The following MTF1 variants were observed in gnomAD, a reference collection of about 807,000 sequenced individuals.
MTF1 encodes the protein metal regulatory transcription factor 1.
A neutral mutation model predicts 70.4 loss-of-function variants in MTF1; 22 were observed. The ratio of observed to expected loss-of-function variants is 0.31; its 90% CI spans 0.22 to 0.45. The LOEUF (loss-of-function observed/expected upper bound fraction) is 0.45. MTF1 is among the 20% of genes least tolerant of loss of function. The pLI is 1.00. For missense variants in MTF1, 649 were observed against 922.0 expected (o/e 0.70, Z 3.83); for synonymous variants, 333 against 352.8 (o/e 0.94, Z 0.63).
chr1:37,813,503 C>T lies in MTF1; in HGVS notation c.*1633G>A, dbSNP rs917175423. 1 of 152,266 alleles carries T rather than the reference C, an allele frequency of 6.6e-6. No individual in the cohort carries two copies. 9.4% of individuals were successfully genotyped at this position (152,266 alleles called of 1,614,324 possible). On this transcript the variant is annotated 3_prime_UTR_variant, in exon 11 of 11. Transcript: ENST00000373036. Reference sequence around the variant, plus strand: ...TATCTTGGCTGGCCCTGAGCAATGGCTCAGAGAACAGGAGAGTGACCAATG... The same window carrying T: ...TATCTTGGCTGGCCCTGAGCAATGGTTCAGAGAACAGGAGAGTGACCAATG...
chr1:37,827,332 A>AGTT (rs1315333646), intron 7 of MTF1, among the ~76,000 whole-genome samples: 16 of 133,072 alleles, frequency 1.2e-4, no homozygotes, highest in African/African-American at 3.7e-4. Context: ...ACCTCCTCAT[A>AGTT]GTTGTTATTA....
At chr1:37,835,884 T>G in intron 4 of MTF1, 140 bp from the exon 5 acceptor site, 1 of 645,168 alleles carries the variant, frequency 1.5e-6, no homozygotes, top group East Asian at 3.1e-5. Context: ...CACTGCAAGC[T>G]CCACCTCCCG....
At chr1:37,855,639 A>T (rs1463768879) in intron 2 of MTF1, among the ~76,000 whole-genome samples, 2 of 151,988 alleles carry the variant, frequency 1.3e-5, no homozygotes, top group Admixed American at 6.6e-5. Flanking sequence ...CTAGTGACTT[A>T]TTTTTTTCTA....
At position 37,822,449 on chromosome 1, in the gene MTF1, G is replaced by C. The variant is rs1427941900; in HGVS notation, c.1439C>G (p.Ala480Gly). Reference protein sequence around the residue: ...VPVPHSTQFAANHQEFLPHPQ... With the variant: ...VPVPHSTQFAGNHQEFLPHPQ... ...GTGCGGAAGAAACTCTTGATGATTA[G>C]CAGCAAACTGTGTGCTGTGGGGAAC... Residue 480 changes from alanine (A) to glycine (G), a missense_variant, in exon 9 of 11, where the codon GCT becomes GGT. By Grantham distance (60) the Ala-to-Gly change is moderately conservative. This residue lies in a region of MTF1 where 267 missense variants were observed against 292.1 expected (regional missense o/e 0.91). Coordinates refer to ENST00000373036, the MANE Select transcript of MTF1 (RefSeq NM_005955.3). 3 of 1,614,108 alleles carry C rather than the reference G, an allele frequency of 1.9e-6. No individual in the cohort carries two copies. The highest frequency in any genetic ancestry group is 2.5e-6 in the Non-Finnish European group (3 of 1,179,994).
chr1:37,857,186 C>T, intron 2 of MTF1, 65 bp downstream of exon 2: 2 of 1,524,888 alleles, frequency 1.3e-6, no homozygotes, highest in Non-Finnish European at 1.8e-6. Context: ...CTAAAATTTG[C>T]ACCAAGAATT....
intron 4 of MTF1, among the ~76,000 whole-genome samples, chr1:37,837,854 T>A (rs2148412844): frequency 6.6e-6 from 1 of 152,300 alleles, no homozygotes. Context: ...CTATCTATAT[T>A]ACATTTAGGG....
At chr1:37,831,713 A>G (rs1198527053) in intron 7 of MTF1, among the ~76,000 whole-genome samples, 2 of 152,186 alleles carry the variant, frequency 1.3e-5, no homozygotes, top group East Asian at 3.9e-4. Context: ...AGAGGCCTCT[A>G]TATGTGTAAG....
chr1:37,852,596 G>A (rs1336233987), intron 2 of MTF1, among the ~76,000 whole-genome samples: 2 of 151,794 alleles, frequency 1.3e-5, no homozygotes, highest in African/African-American at 2.4e-5. Context: ...ACAAATTTGG[G>A]AAAATGGATG....
At chr1:37,838,564 A>G (rs1254183552) in intron 4 of MTF1, 61 bp downstream of exon 4, 6 of 1,466,278 alleles carry the variant, frequency 4.1e-6, no homozygotes, top group Non-Finnish European at 5.6e-6. Context: ...AAAATTCCAG[A>G]GTATATCAAG....
At chr1:37,825,128 T>C (rs968268842) in intron 7 of MTF1, among the ~76,000 whole-genome samples, 3 of 152,122 alleles carry the variant, frequency 2.0e-5, no homozygotes, top group African/African-American at 7.2e-5. Flanking sequence ...GGGAGGTGGG[T>C]TGTGGCATAC....
At position 37,823,782 on chromosome 1, in the gene MTF1, G is replaced by T. The variant is rs756416107; in HGVS notation, c.1099C>A (p.Pro367Thr). The T allele has an allele frequency of 5.0e-6, 8 of 1,613,944 alleles. No homozygotes were observed. Among genetic ancestry groups the T allele is most frequent in the Non-Finnish European group, 6.8e-6 (8 of 1,179,972 alleles). ...TQGQDLSTIS[P>T]AIIFESMFQN... The stretch of plus-strand genomic sequence containing the variant: ...AACATTGATTCAAAGATGATTGCTG[G>T]TGAAATTGTGCTGAGGTCCTGGCCC... The change falls in exon 8 of 11, where the codon CCA becomes ACA. Residue 367 changes from proline to threonine, a missense_variant. Pro to Thr is a conservative substitution (Grantham distance 38, BLOSUM62 -1). This residue lies in a region of MTF1 where 267 missense variants were observed against 292.1 expected (regional missense o/e 0.91). Coordinates refer to ENST00000373036, the MANE Select transcript of MTF1 (RefSeq NM_005955.3).
At chr1:37,824,230 C>T (rs1201664717) in intron 7 of MTF1, among the ~76,000 whole-genome samples, 7 of 152,162 alleles carry the variant, frequency 4.6e-5, no homozygotes, top group African/African-American at 1.4e-4. Context: ...TATTGGAACA[C>T]GGGCACATGC....
intron 10 of MTF1, among the ~76,000 whole-genome samples, chr1:37,817,098 C>A (rs1337551767): frequency 1.3e-5 from 2 of 152,152 alleles, no homozygotes; most frequent in African/African-American, 4.8e-5. Flanking sequence ...AGAAAAGAGT[C>A]CAGTGAATTA....
At chr1:37,834,940 C>T in intron 6 of MTF1, 139 bp downstream of exon 6, 1 of 874,210 alleles carries the variant, frequency 1.1e-6, no homozygotes, top group Non-Finnish European at 1.8e-6. Flanking sequence ...ATACACAAGT[C>T]AAGACACTGA....
intron 10 of MTF1, among the ~76,000 whole-genome samples, chr1:37,816,085 T>C (rs1031037851): frequency 3.3e-5 from 5 of 152,082 alleles, no homozygotes; most frequent in African/African-American, 1.2e-4. Flanking sequence ...CTTCCACACC[T>C]CTCTCCTTGC....
rs749653526 is a variant in MTF1, at chr1:37,835,748, A to C, written c.780-4T>G. On this transcript the variant is annotated splice_polypyrimidine_tract_variant and splice_region_variant and intron_variant, in intron 4 of 10. Transcript: ENST00000373036. ...TCCACAGCCATCGTGATCGCACCTA[A>C]ATTTGTTAAGGAAAGAGAAACAGGA... is the stretch of plus-strand genomic sequence containing the variant. 3.2e-5 allele frequency: 52 copies of C among 1,613,714 alleles called. No individual in the cohort carries two copies. Among genetic ancestry groups the C allele is most frequent in the Non-Finnish European group, 4.3e-5 (51 of 1,179,682 alleles).
intron 7 of MTF1, among the ~76,000 whole-genome samples, chr1:37,827,996 A>G (rs1289809740): frequency 6.6e-6 from 1 of 152,174 alleles, no homozygotes; most frequent in Admixed American, 6.5e-5. Flanking sequence ...GAGAAAGAAC[A>G]AATATTGGTA....
chr1:37,827,991 A>G (rs770114858), intron 7 of MTF1, among the ~76,000 whole-genome samples: 2 of 152,196 alleles, frequency 1.3e-5, no homozygotes, highest in African/African-American at 2.4e-5. Context: ...AACAGGAGAA[A>G]GAACAAATAT....
At position 37,840,844 on chromosome 1, in the gene MTF1, T is replaced by G; in HGVS notation, c.409-686A>C. ...CAAATGGCAGATGACTCTAGTGCAG[T>G]GGAGGGCCTGGAATGGGAGGCCCAG... On this transcript the variant is annotated intron_variant, in intron 2 of 10. Coordinates refer to ENST00000373036, the MANE Select transcript of MTF1 (RefSeq NM_005955.3). The surrounding 1 kb of genome is among the most constrained non-coding windows in gnomAD (Gnocchi z 4.5). 1 of 252,908 alleles carries G rather than the reference T, an allele frequency of 4.0e-6. No individual in the cohort carries two copies. The highest frequency in any genetic ancestry group is 7.7e-6 in the Non-Finnish European group (1 of 129,750). 15.7% of individuals were successfully genotyped at this position (252,908 alleles called of 1,614,324 possible).
Sources: allele counts gnomAD v4.1 joint callset (sites outside exome capture counted in the v4.1 genomes callset), GRCh38; gene constraint gnomAD v4.1.1; regional missense constraint gnomAD v4.1.1; non-coding constraint Gnocchi (gnomAD v3.1); transcripts MANE v1.5; gene names NCBI Gene and HGNC (gene_info 2026-07-23, HGNC 2026-07-21).